The following AKT3 variants were observed in gnomAD, a reference collection of about 807,000 sequenced individuals.
AKT3 encodes AKT serine/threonine kinase 3.
A neutral mutation model predicts 65.3 loss-of-function variants in AKT3; 15 were observed. That is an observed-to-expected ratio of 0.23 (90% CI 0.15 to 0.35). The LOEUF (loss-of-function observed/expected upper bound fraction) is 0.35. Ranked by LOEUF, AKT3 falls within the 10% of genes least tolerant of loss-of-function variation. The probability of loss-of-function intolerance (pLI) is 1.00; values close to 1 mark genes in which losing one functional copy is unlikely to be tolerated. For missense variants in AKT3, 243 were observed against 576.5 expected (o/e 0.42, Z 5.92); for synonymous variants, 206 against 183.8 (o/e 1.12, Z -0.98).
At chr1:243,803,582 T>G (rs183600184) in intron 2 of AKT3, among the ~76,000 whole-genome samples, 23 of 151,986 alleles carry the variant, frequency 1.5e-4, no homozygotes, top group Admixed American at 2.6e-4. Flanking sequence ...TCCTAAGGAA[T>G]GTGATTTCAA....
chr1:243,556,679 G>GT lies in AKT3; in HGVS notation c.949-3737dup, dbSNP rs200420077. The stretch of plus-strand genomic sequence containing the variant: ...AATTTACCACTAATTCAAAAAAAAA[G>GT]TTTTTTCTGGTAGCCTTACATTTCA... On this transcript the variant is annotated intron_variant, in intron 10 of 13. Transcript: ENST00000673466. Among the ~76,000 whole-genome samples the GT allele has an allele frequency of 3.0e-4, 46 of 152,112 alleles. No individual in the cohort carries two copies. In the East Asian group the frequency reaches 7.7e-3, roughly 26 times the overall value.
At chr1:243,644,120 T>C (rs1680635872) in intron 5 of AKT3, among the ~76,000 whole-genome samples, 2 of 152,184 alleles carry the variant, frequency 1.3e-5, no homozygotes, top group Admixed American at 1.3e-4. Flanking sequence ...AACACGTCAA[T>C]ATACAGCTTA....
At chr1:243,658,716 T>A (rs1480819020) in intron 4 of AKT3, among the ~76,000 whole-genome samples, 2 of 152,064 alleles carry the variant, frequency 1.3e-5, no homozygotes, top group African/African-American at 4.8e-5. Context: ...GTGGAAACAA[T>A]CTAAATATCC....
rs1678574246 is a variant in AKT3 at position 243,619,374 on chromosome 1, T to G, written c.562-4213A>C. Among the ~76,000 whole-genome samples, 4 of 152,296 alleles carry G rather than the reference T, an allele frequency of 2.6e-5. No homozygotes were observed. The South Asian group carries it at 8.3e-4, about 32-fold the overall frequency. On this transcript the variant is annotated intron_variant, in intron 6 of 13. Transcript: ENST00000673466. ...CTTTATGCTGGAGACATTCAAATTCTTCTCTTCCAGCTATTTTAAAATACA... is the reference window on the plus strand; with the variant it reads ...CTTTATGCTGGAGACATTCAAATTCGTCTCTTCCAGCTATTTTAAAATACA...
Position 243,637,683 on chromosome 1 carries a change from A to G in AKT3, c.489T>C (p.Ile163=), listed in dbSNP as rs545406233. ...LLGKGTFGKV[I]LVREKASGKY... The stretch of plus-strand genomic sequence containing the variant: ...TTCCACTTGCCTTCTCTCGAACCAA[A>G]ATAACTTTCCCAAAAGTGCCTTTAC... Residue 163 remains isoleucine (I), a synonymous_variant, in exon 6 of 14, where the codon ATT becomes ATC. Coordinates refer to ENST00000673466, the MANE Select transcript of AKT3 (RefSeq NM_005465.7). 6.2e-7 allele frequency: 1 copy of G among 1,604,494 alleles called. No individual in the cohort carries two copies. The highest frequency in any genetic ancestry group is 1.7e-5 in the Admixed American group (1 of 59,806).
At chr1:243,643,839 TG>T (rs1329451015) in intron 5 of AKT3, among the ~76,000 whole-genome samples, 1 of 152,258 alleles carries the variant, frequency 6.6e-6, no homozygotes, top group Non-Finnish European at 1.5e-5. Context: ...TCACAATGTG[TG>T]GTTATAGTCT....
At chr1:243,523,322 A>G (rs532656522) in intron 12 of AKT3, among the ~76,000 whole-genome samples, 6 of 148,186 alleles carry the variant, frequency 4.0e-5, no homozygotes, top group South Asian at 2.1e-4. Context: ...TCAGAAACCA[A>G]TTGGATATCC....
At chr1:243,803,391 C>A (rs1692497247) in intron 2 of AKT3, among the ~76,000 whole-genome samples, 1 of 151,996 alleles carries the variant, frequency 6.6e-6, no homozygotes, top group South Asian at 2.1e-4. Flanking sequence ...CTTTTTGTTA[C>A]TACTGAAGTT....
At chr1:243,684,778 T>C (rs1340164717) in intron 3 of AKT3, among the ~76,000 whole-genome samples, 1 of 152,210 alleles carries the variant, frequency 6.6e-6, no homozygotes, top group East Asian at 1.9e-4. Context: ...CCACCAATAG[T>C]GTAAAAGCAT....
At chr1:243,497,127 C>A (rs1388926960), downstream of AKT3, among the ~76,000 whole-genome samples, 1 of 152,202 alleles carries the variant, frequency 6.6e-6, no homozygotes, top group African/African-American at 2.4e-5. Flanking sequence ...GATGACAGGA[C>A]TTCCTGGAAA....
At chr1:243,753,945 G>A (rs1342627685) in intron 2 of AKT3, among the ~76,000 whole-genome samples, 1 of 152,186 alleles carries the variant, frequency 6.6e-6, no homozygotes, top group Non-Finnish European at 1.5e-5. Flanking sequence ...AGCGCTTAAT[G>A]TATATACTGT....
At chr1:243,674,550 A>C (rs566964746) in intron 3 of AKT3, among the ~76,000 whole-genome samples, 1 of 152,242 alleles carries the variant, frequency 6.6e-6, no homozygotes, top group Admixed American at 6.5e-5. Flanking sequence ...CGTAGAAACG[A>C]TCAGAGAATT....
intron 3 of AKT3, among the ~76,000 whole-genome samples, chr1:243,685,529 T>C (rs965937407): frequency 6.6e-6 from 1 of 152,232 alleles, no homozygotes; most frequent in Non-Finnish European, 1.5e-5. Flanking sequence ...TTGTGTTCCA[T>C]TGGTCTACAT....
At chr1:243,684,970 T>C (rs1684182436) in intron 3 of AKT3, among the ~76,000 whole-genome samples, 1 of 152,226 alleles carries the variant, frequency 6.6e-6, no homozygotes, top group Non-Finnish European at 1.5e-5. Context: ...GCATAGTGTT[T>C]GTTCATATCC....
At chr1:243,672,533 T>C (rs1358950723) in intron 3 of AKT3, among the ~76,000 whole-genome samples, 1 of 152,206 alleles carries the variant, frequency 6.6e-6, no homozygotes, top group Non-Finnish European at 1.5e-5. Flanking sequence ...GTTCAATAAA[T>C]AATGGGAGTC....
chr1:243,651,776 T>A (rs1158885259), intron 4 of AKT3, among the ~76,000 whole-genome samples: 1 of 152,208 alleles, frequency 6.6e-6, no homozygotes, highest in Admixed American at 6.5e-5. Context: ...CTTTCTGATG[T>A]GCTGCTGGAT....
chr1:243,530,387 T>C (rs1214714626), intron 12 of AKT3, among the ~76,000 whole-genome samples: 1 of 152,158 alleles, frequency 6.6e-6, no homozygotes, highest in African/African-American at 2.4e-5. Context: ...AACCATATAA[T>C]TACATGGACA....
In AKT3 at chr1:243,660,972, A is replaced by G. The variant is rs1682269144; in HGVS notation, c.284+3800T>C. 4.6e-5 allele frequency among the ~76,000 whole-genome samples: 7 copies of G among 152,358 alleles called. No homozygotes were observed. The South Asian group carries it at 1.4e-3, about 32-fold the overall frequency. ...CCCATTCACAACTGCTTCAAAGAGA[A>G]TAAAATACCTAGGAATCCAACTTAC... On this transcript the variant is annotated intron_variant, in intron 4 of 13. Transcript: ENST00000673466.
At chr1:243,677,573 T>C (rs1055727138) in intron 3 of AKT3, among the ~76,000 whole-genome samples, 4 of 152,144 alleles carry the variant, frequency 2.6e-5, no homozygotes, top group African/African-American at 9.6e-5. Flanking sequence ...AATAGATATT[T>C]TTGAATCCTA....
Sources: allele counts gnomAD v4.1 joint callset (sites outside exome capture counted in the v4.1 genomes callset), GRCh38; gene constraint gnomAD v4.1.1; transcripts MANE v1.5; gene names NCBI Gene and HGNC (gene_info 2026-07-23, HGNC 2026-07-21).